The following PPP1R1C variants were observed in gnomAD, a reference collection of about 807,000 sequenced individuals.
The protein encoded by PPP1R1C is protein phosphatase 1 regulatory inhibitor subunit 1C, also known as protein phosphatase 1 regulatory subunit 1C.
A neutral mutation model predicts 17.4 loss-of-function variants in PPP1R1C; 15 were observed. The ratio of observed to expected loss-of-function variants is 0.86; its 90% CI spans 0.58 to 1.33. The LOEUF is 1.33. Among genes scored for constraint, PPP1R1C ranks in the 40% most tolerant of loss-of-function variants. PPP1R1C has a pLI of 0.00. For synonymous variants in PPP1R1C, 35 were observed against 43.1 expected, an observed-to-expected ratio of 0.81 and a Z score of 0.73; for missense variants, 143 against 130.0, an observed-to-expected ratio of 1.10 and a Z score of -0.48.
intron 2 of PPP1R1C, among the ~76,000 whole-genome samples, chr2:182,000,154 C>T (rs1685720039): frequency 6.6e-6 from 1 of 152,156 alleles, no homozygotes; most frequent in African/African-American, 2.4e-5. Flanking sequence ...GTTCTACCAG[C>T]TAGCAGTAAG....
chr2:182,032,633 T>A lies in PPP1R1C; in HGVS notation c.143-28809T>A, dbSNP rs115881590. Among the ~76,000 whole-genome samples the A allele has an allele frequency of 2.5e-3, 377 of 152,280 alleles. 1 individual carries two copies. The highest frequency in any genetic ancestry group is 4.2e-3 in the Non-Finnish European group (286 of 68,018). ...CTGAAAGGCAGTATAGTTAGCAGTG[T>A]GGGCTCAAAGTTAGACTGCTTGGGT... On this transcript the variant is annotated intron_variant, in intron 2 of 4. Coordinates refer to ENST00000682840, the MANE Select transcript of PPP1R1C (RefSeq NM_001080545.3).
chr2:182,088,398 A>G (rs1298105826), intron 4 of PPP1R1C, among the ~76,000 whole-genome samples: 2 of 152,208 alleles, frequency 1.3e-5, no homozygotes, highest in Admixed American at 6.5e-5. Flanking sequence ...CTTCTAGTCA[A>G]TGATTAAATT....
At chr2:182,112,776 A>G (rs1689479953) in intron 4 of PPP1R1C, among the ~76,000 whole-genome samples, 1 of 152,192 alleles carries the variant, frequency 6.6e-6, no homozygotes, top group African/African-American at 2.4e-5. Context: ...TACACTATAA[A>G]TAGAATTCCA....
chr2:182,050,040 C>A (rs139978941), intron 2 of PPP1R1C, among the ~76,000 whole-genome samples: 1 of 152,306 alleles, frequency 6.6e-6, no homozygotes, highest in East Asian at 1.9e-4. Flanking sequence ...AATGTCTCTG[C>A]TCTCTGTAGT....
At chr2:182,035,343 TTTAA>T (rs1208270820) in intron 2 of PPP1R1C, among the ~76,000 whole-genome samples, 1 of 152,236 alleles carries the variant, frequency 6.6e-6, no homozygotes, top group African/African-American at 2.4e-5. Flanking sequence ...TTAGTAACTA[TTTAA>T]TTCTCAATTT....
At chr2:182,045,183 T>G (rs1034371398) in intron 2 of PPP1R1C, among the ~76,000 whole-genome samples, 1 of 152,158 alleles carries the variant, frequency 6.6e-6, no homozygotes, top group African/African-American at 2.4e-5. Flanking sequence ...AGGTTAAGAT[T>G]TTCGGGATAG....
chr2:182,068,222 AC>A (rs1688043509), intron 4 of PPP1R1C, among the ~76,000 whole-genome samples: 1 of 152,176 alleles, frequency 6.6e-6, no homozygotes, highest in South Asian at 2.1e-4. Context: ...GTTGTTTACC[AC>A]ATATGATTGC....
chr2:182,117,329 T>A lies in PPP1R1C; in HGVS notation c.*34T>A. 1 of 1,426,040 alleles carries A rather than the reference T, an allele frequency of 7.0e-7. No individual in the cohort carries two copies. Among genetic ancestry groups the A allele is most frequent in the Middle Eastern group, 1.8e-4 (1 of 5,706 alleles). 88.3% of individuals were successfully genotyped at this position (1,426,040 alleles called of 1,614,324 possible). ...CTGCAGCAAGAAGGCTTCTTGGAAA[T>A]AACTGAACTATTAACTTTTCTGAGT... On this transcript the variant is annotated 3_prime_UTR_variant, in exon 5 of 5. Coordinates refer to ENST00000682840, the MANE Select transcript of PPP1R1C (RefSeq NM_001080545.3).
At chr2:182,073,270 A>G (rs568749035) in intron 4 of PPP1R1C, among the ~76,000 whole-genome samples, 1 of 152,350 alleles carries the variant, frequency 6.6e-6, no homozygotes, top group South Asian at 2.1e-4. Context: ...GGCAGGGCCC[A>G]TGTCCTATTT....
chr2:182,125,555 T>C (rs1309142838), intron 5 of PPP1R1C, among the ~76,000 whole-genome samples: 2 of 152,202 alleles, frequency 1.3e-5, no homozygotes, highest in African/African-American at 4.8e-5. Context: ...AGGGTATTAA[T>C]TACTGCCTCA....
chr2:182,095,236 T>A (rs1016884262), intron 4 of PPP1R1C, among the ~76,000 whole-genome samples: 2 of 151,952 alleles, frequency 1.3e-5, no homozygotes, highest in Non-Finnish European at 2.9e-5. Flanking sequence ...GAGGCAGAGG[T>A]TGCAGTGAGC....
intron 1 of PPP1R1C, among the ~76,000 whole-genome samples, chr2:181,963,425 G>C (rs1684845319): frequency 6.6e-6 from 1 of 152,202 alleles, no homozygotes. Flanking sequence ...TGGACCACGA[G>C]GTCAGGAGTT....
At chr2:182,096,353 T>C (rs1688936430) in intron 4 of PPP1R1C, among the ~76,000 whole-genome samples, 1 of 152,172 alleles carries the variant, frequency 6.6e-6, no homozygotes, top group Admixed American at 6.5e-5. Context: ...CATGTTTCAG[T>C]GGAGAAAGGC....
intron 2 of PPP1R1C, among the ~76,000 whole-genome samples, chr2:182,049,113 A>G (rs941496508): frequency 2.6e-5 from 4 of 152,212 alleles, no homozygotes; most frequent in Middle Eastern, 3.4e-3. Flanking sequence ...CAGGCGGATC[A>G]CCTGAGGTCA....
At chr2:182,090,289 C>CTGTGTGTGTGTGTGTGTGTG (rs142618201) in intron 4 of PPP1R1C, among the ~76,000 whole-genome samples, 3,562 of 145,610 alleles carry the variant, frequency 0.024, 117 homozygotes, top group Admixed American at 0.095. Context: ...ACTATAAATT[C>CTGTGTGTGTGTGTGTGTGTG]TGTGTGTGTG....
At chr2:182,107,801 C>A (rs1559096049) in intron 4 of PPP1R1C, among the ~76,000 whole-genome samples, 3 of 152,080 alleles carry the variant, frequency 2.0e-5, no homozygotes, top group Non-Finnish European at 4.4e-5. Context: ...TTTGAGAAAA[C>A]CAAAGCCATG....
chr2:182,061,408 C>T (rs962652956), intron 2 of PPP1R1C, 34 bp from the exon 3 acceptor site: 35 of 1,330,056 alleles, frequency 2.6e-5, no homozygotes, highest in Non-Finnish European at 3.5e-5. Flanking sequence ...AAGAATATTA[C>T]ATGCCTAATA....
intron 4 of PPP1R1C, among the ~76,000 whole-genome samples, chr2:182,111,029 AAG>A (rs918540464): frequency 6.6e-6 from 1 of 151,974 alleles, no homozygotes; most frequent in Non-Finnish European, 1.5e-5. Context: ...CATTTTTAAA[AAG>A]AGAGAGAGAG....
At chr2:181,977,316 C>T (rs149045483) in intron 2 of PPP1R1C, among the ~76,000 whole-genome samples, 5 of 152,046 alleles carry the variant, frequency 3.3e-5, no homozygotes, top group African/African-American at 1.2e-4. Flanking sequence ...TAAAGAAACT[C>T]TCTTCAATCT....
Sources: allele counts gnomAD v4.1 joint callset (sites outside exome capture counted in the v4.1 genomes callset), GRCh38; gene constraint gnomAD v4.1.1; transcripts MANE v1.5; gene names NCBI Gene and HGNC (gene_info 2026-07-23, HGNC 2026-07-21).